Variants in ATP2A2 observed in about 807,000 individuals in gnomAD.
ATP2A2 encodes ATPase sarcoplasmic/endoplasmic reticulum Ca2+ transporting 2, also known as sarcoplasmic/endoplasmic reticulum calcium ATPase 2.
ATP2A2 carries 14 observed loss-of-function variants against 109.3 expected under a neutral mutation model. That is an observed-to-expected ratio of 0.13 (90% CI 0.08 to 0.20). The LOEUF is 0.20. Ranked by LOEUF, ATP2A2 falls within the 10% of genes least tolerant of loss-of-function variation. The pLI is 1.00. For synonymous variants in ATP2A2, 506 were observed against 490.9 expected (o/e 1.03, Z -0.41); for missense variants, 657 against 1,321.6 (o/e 0.50, Z 7.80).
At chr12:110,334,191 CTA>C (rs1398223468) in intron 11 of ATP2A2, 48 bp downstream of exon 11, 1 of 1,606,760 alleles carries the variant, frequency 6.2e-7, no homozygotes, top group East Asian at 2.2e-5. Flanking sequence ...ATCAGTCGTA[CTA>C]TATATACTTA....
chr12:110,326,707 C>T (rs764676149), intron 7 of ATP2A2, among the ~76,000 whole-genome samples: 1 of 152,180 alleles, frequency 6.6e-6, no homozygotes, highest in Non-Finnish European at 1.5e-5. Context: ...CATCTTCAAA[C>T]TCTTACCTGC....
chr12:110,327,383 A>G lies in ATP2A2; in HGVS notation c.631-170A>G, dbSNP rs904550244. Among the ~76,000 whole-genome samples the G allele has an allele frequency of 1.3e-5, 2 of 152,232 alleles. No homozygotes were observed. Among genetic ancestry groups the G allele is most frequent in the Admixed American group, 1.3e-4 (2 of 15,282 alleles). On this transcript the variant is annotated intron_variant, in intron 7 of 19. Transcript: ENST00000539276. The surrounding 1 kb of genome is among the most constrained non-coding windows in gnomAD (Gnocchi z 4.4). ...GCTGCCTGACATAAGTAAGTAGCAC[A>G]TGGAGCATTGCTTGTTGTCACAGTT...
intron 5 of ATP2A2, among the ~76,000 whole-genome samples, chr12:110,315,500 C>T (rs1478147490): frequency 6.6e-6 from 1 of 152,102 alleles, no homozygotes; most frequent in Non-Finnish European, 1.5e-5. Context: ...TGATTTATCA[C>T]CAGTTTAGAT....
chr12:110,315,622 T>A (rs1876580676), intron 5 of ATP2A2, among the ~76,000 whole-genome samples: 1 of 152,118 alleles, frequency 6.6e-6, no homozygotes, highest in South Asian at 2.1e-4. Context: ...GACTGTCAAA[T>A]GTTAGCAGTA....
At chr12:110,309,215 G>A (rs1311214073) in intron 5 of ATP2A2, among the ~76,000 whole-genome samples, 3 of 130,704 alleles carry the variant, frequency 2.3e-5, no homozygotes, top group Non-Finnish European at 4.7e-5. Context: ...AGGAGTGCAA[G>A]GGCGTGATCT....
In ATP2A2 at chr12:110,342,535, G is replaced by T; in HGVS notation, c.2318+87G>T. The T allele has an allele frequency of 6.9e-7, 1 of 1,452,974 alleles. No homozygotes were observed. Among genetic ancestry groups the T allele is most frequent in the Non-Finnish European group, 9.5e-7 (1 of 1,053,074 alleles). 90.0% of individuals were successfully genotyped at this position (1,452,974 alleles called of 1,614,324 possible). ...GTTCTCGCAGTTTGCTCTCCAGATT[G>T]CAGCAGCTTTGGTCTTTGTGCCTGA... On this transcript the variant is annotated intron_variant, in intron 15 of 19. Coordinates refer to ENST00000539276, the MANE Select transcript of ATP2A2 (RefSeq NM_170665.4). The surrounding 1 kb of genome is among the most constrained non-coding windows in gnomAD (Gnocchi z 4.6).
At chr12:110,303,950 C>T (rs903142440) in intron 5 of ATP2A2, among the ~76,000 whole-genome samples, 3 of 152,164 alleles carry the variant, frequency 2.0e-5, no homozygotes, top group Admixed American at 2.0e-4. Context: ...ATTTTCATCA[C>T]CCTCAGAAAA....
intron 16 of ATP2A2, among the ~76,000 whole-genome samples, chr12:110,343,975 A>G (rs2137867086): frequency 6.6e-6 from 1 of 152,294 alleles, no homozygotes. Context: ...ATATATTCAC[A>G]TGACTTCAAA....
At chr12:110,334,390 C>T (rs188826935) in intron 11 of ATP2A2, 36 of 527,896 alleles carry the variant, frequency 6.8e-5, no homozygotes, top group African/African-American at 6.5e-4. Context: ...TGCCTTCTCC[C>T]ATAGTGCTGT....
At chr12:110,282,012 C>G in intron 1 of ATP2A2, 105 bp downstream of exon 1, 2 of 870,786 alleles carry the variant, frequency 2.3e-6, no homozygotes, top group Non-Finnish European at 3.3e-6. Flanking sequence ...CGCCCGCCGA[C>G]AGCTGCGGGC....
At chr12:110,326,586 A>C (rs1161547653) in intron 7 of ATP2A2, 111 bp downstream of exon 7, 1 of 1,051,094 alleles carries the variant, frequency 9.5e-7, no homozygotes, top group Non-Finnish European at 1.4e-6. Flanking sequence ...GGATAATCAC[A>C]CTTTTCATGG....
intron 3 of ATP2A2, among the ~76,000 whole-genome samples, 175 bp downstream of exon 3, chr12:110,282,970 A>G (rs546296992): frequency 6.6e-6 from 1 of 152,348 alleles, no homozygotes; most frequent in South Asian, 2.1e-4. Flanking sequence ...ACTTGAAGCC[A>G]TTGGTATTCA....
intron 8 of ATP2A2, chr12:110,329,291 T>A (rs1878108327): frequency 6.6e-6 from 1 of 152,282 alleles, no homozygotes; most frequent in Non-Finnish European, 1.5e-5. Context: ...TCAGTACAGA[T>A]GCAGTTATTT....
At chr12:110,332,787 GC>G in intron 9 of ATP2A2, 102 bp downstream of exon 9, 1 of 1,075,356 alleles carries the variant, frequency 9.3e-7, no homozygotes, top group Admixed American at 1.7e-5. Context: ...TCTGAATGTG[GC>G]TCAAGTCAAC....
intron 1 of ATP2A2, 36 bp downstream of exon 1, chr12:110,281,943 C>T (rs761426070): frequency 2.6e-6 from 4 of 1,516,374 alleles, no homozygotes; most frequent in Non-Finnish European, 3.6e-6. Context: ...GGGCCCGGCG[C>T]GGCCGGGAGA....
intron 3 of ATP2A2, among the ~76,000 whole-genome samples, chr12:110,283,724 T>A (rs754317680): frequency 3.3e-5 from 5 of 152,180 alleles, no homozygotes; most frequent in Non-Finnish European, 7.3e-5. Context: ...CCACGATAAG[T>A]GAAATTCACC....
Position 110,339,230 on chromosome 12 carries a change from A to G in ATP2A2, c.1420-51A>G, listed in dbSNP as rs754258829. On this transcript the variant is annotated intron_variant, in intron 11 of 19. Coordinates refer to ENST00000539276, the MANE Select transcript of ATP2A2 (RefSeq NM_170665.4). This position sits in a 1 kb window ranked among gnomAD's most constrained non-coding sequence, Gnocchi z 4.4. ...GGTGTGCTTACTGCTTGTTAGGTAA[A>G]AAAGTTCAGAAATTGCCACCCAGTA... 9.9e-6 allele frequency: 16 copies of G among 1,611,700 alleles called. No homozygotes were observed. Among genetic ancestry groups the G allele is most frequent in the Non-Finnish European group, 1.3e-5 (15 of 1,179,250 alleles).
chr12:110,326,146 C>G, intron 6 of ATP2A2: 1 of 539,524 alleles, frequency 1.9e-6, no homozygotes, highest in Non-Finnish European at 3.3e-6. Context: ...GGGGATTCTA[C>G]TTGAAAATTC....
rs1436856594 is a variant in ATP2A2 at position 110,349,215 on chromosome 12, C to T, written c.*2745C>T. On this transcript the variant is annotated 3_prime_UTR_variant, in exon 20 of 20. Coordinates refer to ENST00000539276, the MANE Select transcript of ATP2A2 (RefSeq NM_170665.4). ...TTCAGCATCTCCTCCTCAGGTCAAC[C>T]CATAAAGACCAGGTCCAGCACCGTG... 1 of 985,544 alleles carries T rather than the reference C, an allele frequency of 1.0e-6. No homozygotes were observed. The highest frequency in any genetic ancestry group is 1.2e-6 in the Non-Finnish European group (1 of 830,008). 61.0% of individuals were successfully genotyped at this position (985,544 alleles called of 1,614,324 possible).
Sources: allele counts gnomAD v4.1 joint callset (sites outside exome capture counted in the v4.1 genomes callset), GRCh38; gene constraint gnomAD v4.1.1; non-coding constraint Gnocchi (gnomAD v3.1); transcripts MANE v1.5; gene names NCBI Gene and HGNC (gene_info 2026-07-23, HGNC 2026-07-21).